SLC25A33: variants seen among roughly 807,000 people sequenced by gnomAD.
The protein encoded by SLC25A33 is bone marrow stromal cell mitochondrial carrier protein.
In SLC25A33, 15 loss-of-function variants were observed where a neutral mutation model predicts 35.5. The ratio of observed to expected loss-of-function variants is 0.42; its 90% CI spans 0.28 to 0.65. The LOEUF (loss-of-function observed/expected upper bound fraction) is 0.65. Ranked by LOEUF, SLC25A33 falls within the 30% of genes least tolerant of loss-of-function variation. The probability of loss-of-function intolerance (pLI) is 0.20; values close to 1 mark genes in which losing one functional copy is unlikely to be tolerated. For synonymous variants in SLC25A33, 136 were observed against 148.7 expected (o/e 0.91, Z 0.62); for missense variants, 257 against 398.5 (o/e 0.64, Z 3.02).
intron 5 of SLC25A33, among the ~76,000 whole-genome samples, chr1:9,577,348 G>A (rs375933352): frequency 2.0e-5 from 3 of 152,062 alleles, no homozygotes; most frequent in Non-Finnish European, 4.4e-5. Context: ...GGAGAATGGC[G>A]TGAACCCGGG....
chr1:9,540,484 C>G (rs1022850378), intron 1 of SLC25A33, among the ~76,000 whole-genome samples: 3 of 152,064 alleles, frequency 2.0e-5, no homozygotes, highest in Non-Finnish European at 4.4e-5. Context: ...AGGTTGAGTT[C>G]TGCGGTTAGG....
At chr1:9,560,746 T>A (rs1557529858) in intron 2 of SLC25A33, among the ~76,000 whole-genome samples, 1 of 149,932 alleles carries the variant, frequency 6.7e-6, no homozygotes, top group East Asian at 2.0e-4. Context: ...TTGAAGAACC[T>A]ATCTCGAACC....
At chr1:9,556,270 C>A in intron 2 of SLC25A33, 1 of 970,232 alleles carries the variant, frequency 1.0e-6, no homozygotes, top group Non-Finnish European at 1.2e-6. Context: ...AATGTTACTT[C>A]AGTAACATTC....
At chr1:9,541,787 G>A (rs1328286695) in intron 1 of SLC25A33, among the ~76,000 whole-genome samples, 1 of 149,268 alleles carries the variant, frequency 6.7e-6, no homozygotes, top group African/African-American at 2.5e-5. Flanking sequence ...ACTGTTTTTA[G>A]TGAGGTGGGT....
At chr1:9,557,673 C>G (rs1375698494) in intron 2 of SLC25A33, among the ~76,000 whole-genome samples, 1 of 152,146 alleles carries the variant, frequency 6.6e-6, no homozygotes, top group Non-Finnish European at 1.5e-5. Flanking sequence ...AGAGTGTGTT[C>G]AAGACACATT....
In SLC25A33 at chr1:9,539,496, G is replaced by A. The variant is rs886248420; in HGVS notation, c.-196G>A. On this transcript the variant is annotated 5_prime_UTR_variant, in exon 1 of 7. Coordinates refer to ENST00000302692, the MANE Select transcript of SLC25A33 (RefSeq NM_032315.3). ...CCGCCGGGCTCGCGCCGCAGAGGCC[G>A]GTGAGGCGCCGGCGGCCACGCCGCG... is the stretch of plus-strand genomic sequence containing the variant. 1.3e-5 allele frequency: 3 copies of A among 222,390 alleles called. No individual in the cohort carries two copies. The highest frequency in any genetic ancestry group is 2.5e-5 in the Non-Finnish European group (3 of 119,322). 13.8% of individuals were successfully genotyped at this position (222,390 alleles called of 1,614,324 possible).
At chr1:9,564,078 G>C (rs983550900) in intron 2 of SLC25A33, among the ~76,000 whole-genome samples, 4 of 152,164 alleles carry the variant, frequency 2.6e-5, no homozygotes, top group Non-Finnish European at 5.9e-5. Context: ...GATTAAATTA[G>C]AGAAGACCAT....
chr1:9,577,123 T>C, intron 5 of SLC25A33: 1 of 487,182 alleles, frequency 2.1e-6, no homozygotes, highest in Non-Finnish European at 3.7e-6. Context: ...AGAAGAGTCT[T>C]TTGGGCAGAG....
chr1:9,556,298 G>A (rs924570125), intron 2 of SLC25A33: 28 of 957,790 alleles, frequency 2.9e-5, no homozygotes, highest in Non-Finnish European at 3.1e-5. Context: ...ATTTCCTCTT[G>A]CCAAATAATC....
chr1:9,579,905 C>A, intron 5 of SLC25A33, 49 bp from the exon 6 acceptor site: 1 of 1,572,876 alleles, frequency 6.4e-7, no homozygotes. Context: ...TGTCTGTGTT[C>A]CACCATGATA....
At position 9,579,220 on chromosome 1, in the gene SLC25A33, A is replaced by G. The variant is rs146847599; in HGVS notation, c.483-734A>G. Among the ~76,000 whole-genome samples the G allele has an allele frequency of 4.9e-4, 75 of 152,278 alleles. No individual in the cohort carries two copies. The Middle Eastern group carries it at 0.01, about 21-fold the overall frequency. The stretch of plus-strand genomic sequence containing the variant: ...GTAGGGGGTTTTCCCCACACACACC[A>G]AACAGCGGACACCAGCTGGGTGTCC... On this transcript the variant is annotated intron_variant, in intron 5 of 6. Transcript: ENST00000302692.
chr1:9,544,827 A>G (rs1332843635), intron 1 of SLC25A33, among the ~76,000 whole-genome samples: 1 of 152,156 alleles, frequency 6.6e-6, no homozygotes, highest in Non-Finnish European at 1.5e-5. Context: ...AGTGCCCGAT[A>G]TGCATGTATG....
chr1:9,574,118 C>CT (rs57215050), intron 5 of SLC25A33, among the ~76,000 whole-genome samples: 4,633 of 134,234 alleles, frequency 0.035, 183 homozygotes, highest in African/African-American at 0.094. Context: ...CTTTTCTTTT[C>CT]TTTTTTTTTT....
At chr1:9,575,413 G>A (rs1466776296) in intron 5 of SLC25A33, among the ~76,000 whole-genome samples, 1 of 151,248 alleles carries the variant, frequency 6.6e-6, no homozygotes, top group African/African-American at 2.4e-5. Flanking sequence ...TCAGGAGTTC[G>A]AGACCAGCCT....
At chr1:9,556,633 T>G (rs1408552246) in intron 2 of SLC25A33, among the ~76,000 whole-genome samples, 1 of 151,872 alleles carries the variant, frequency 6.6e-6, no homozygotes, top group Admixed American at 6.6e-5. Context: ...CTTTCTAATC[T>G]CCAGTAAATC....
At chr1:9,542,971 C>G (rs927609963) in intron 1 of SLC25A33, among the ~76,000 whole-genome samples, 6 of 152,022 alleles carry the variant, frequency 3.9e-5, no homozygotes, top group Admixed American at 1.3e-4. Flanking sequence ...GCATGTGCCA[C>G]CATGCCCGGC....
At chr1:9,552,370 A>G (rs997428914) in intron 1 of SLC25A33, among the ~76,000 whole-genome samples, 1 of 151,936 alleles carries the variant, frequency 6.6e-6, no homozygotes, top group Admixed American at 6.6e-5. Flanking sequence ...CATTACAGGC[A>G]TGTGCCACTA....
chr1:9,584,637 G>C lies in SLC25A33; in HGVS notation c.*2136G>C, dbSNP rs921473533. 2.6e-5 allele frequency: 4 copies of C among 152,280 alleles called. No individual in the cohort carries two copies. Among genetic ancestry groups the C allele is most frequent in the African/African-American group, 9.7e-5 (4 of 41,448 alleles). The allele number at this position is 152,280 out of a possible 1,614,324, so 9.4% of individuals were successfully genotyped here. A position where few individuals can be genotyped will look rare whatever the true frequency, so the allele number is the denominator to read the frequency against. On this transcript the variant is annotated 3_prime_UTR_variant, in exon 7 of 7. Coordinates refer to ENST00000302692, the MANE Select transcript of SLC25A33 (RefSeq NM_032315.3). ...TGGTCTCAAACTCTTGACCTCAGGT[G>C]ATCTACCCGCCTCGGCCTCCCAAAG...
intron 3 of SLC25A33, among the ~76,000 whole-genome samples, chr1:9,568,534 G>C (rs1643542265): frequency 6.6e-6 from 1 of 151,926 alleles, no homozygotes. Flanking sequence ...CACTTAACTT[G>C]TCATACTCCA....
Sources: gnomAD v4.1 joint callset for allele counts (sites outside exome capture counted in the v4.1 genomes callset) on GRCh38, gnomAD v4.1.1 for gene constraint, MANE v1.5 for transcripts, NCBI Gene and HGNC (gene_info 2026-07-23, HGNC 2026-07-21) for gene names.